The following RPGRIP1 variants were observed in gnomAD, a reference collection of about 807,000 sequenced individuals.
The protein encoded by RPGRIP1 is RPGR interacting protein 1.
A neutral mutation model predicts 157.9 loss-of-function variants in RPGRIP1; 128 were observed. That is an observed-to-expected ratio of 0.81 (90% CI 0.70 to 0.94). The LOEUF (loss-of-function observed/expected upper bound fraction) is 0.94, where lower values mean the gene tolerates loss of function less well. RPGRIP1 is among the 40% of genes least tolerant of loss of function. RPGRIP1 has a pLI of 0.00. For synonymous variants in RPGRIP1, 554 were observed against 571.6 expected (o/e 0.97, Z 0.44); for missense variants, 1,486 against 1,545.8 (o/e 0.96, Z 0.65).
intron 6 of RPGRIP1, 37 bp from the exon 7 acceptor site, chr14:21,307,694 A>G (rs760431522): frequency 7.8e-7 from 1 of 1,276,880 alleles, no homozygotes; most frequent in Non-Finnish European, 1.1e-6. Context: ...AATTCTATCC[A>G]TGTTCAGACA....
chr14:21,350,063 C>G (rs115432710), intron 24 of RPGRIP1, among the ~76,000 whole-genome samples: 2,033 of 152,072 alleles, frequency 0.013, 47 homozygotes, highest in African/African-American at 0.047. Flanking sequence ...AAATGCAAAC[C>G]AAAACTGTGG....
chr14:21,283,590 T>C (rs1292529194), intron 1 of RPGRIP1, among the ~76,000 whole-genome samples: 14 of 150,776 alleles, frequency 9.3e-5, no homozygotes, highest in Admixed American at 8.0e-4. Context: ...CATGAGCCAC[T>C]GTGCCCAGCC....
chr14:21,339,323 G>A (rs902251467), intron 21 of RPGRIP1, among the ~76,000 whole-genome samples: 2 of 152,032 alleles, frequency 1.3e-5, no homozygotes, highest in African/African-American at 4.8e-5. Flanking sequence ...GCGCGTGCTT[G>A]TAATCCTGGC....
At chr14:21,319,353 G>C (rs1404418683) in intron 11 of RPGRIP1, among the ~76,000 whole-genome samples, 1 of 152,134 alleles carries the variant, frequency 6.6e-6, no homozygotes, top group Non-Finnish European at 1.5e-5. Context: ...CATGAGGCCA[G>C]GAGTTTCAGA....
In RPGRIP1 at chr14:21,288,101, A is replaced by G. The variant is rs1880365985; in HGVS notation, c.85+40A>G. The G allele has an allele frequency of 2.3e-6, 3 of 1,296,018 alleles. No homozygotes were observed. In the Admixed American group the frequency reaches 5.0e-5, roughly 22 times the overall value. The allele number at this position is 1,296,018 out of a possible 1,614,324, so 80.3% of individuals were successfully genotyped here. On this transcript the variant is annotated intron_variant, in intron 2 of 24. Transcript: ENST00000400017. ...TGAGGATGGACACCTTTTAGAATTA[A>G]AAGAACTCTCACTGTGGAACATCTT...
intron 10 of RPGRIP1, among the ~76,000 whole-genome samples, chr14:21,315,186 G>T (rs116878280): frequency 6.6e-6 from 1 of 151,874 alleles, no homozygotes; most frequent in Non-Finnish European, 1.5e-5. Flanking sequence ...AAAAAAACCT[G>T]TAAGTAAAAG....
intron 18 of RPGRIP1, among the ~76,000 whole-genome samples, 158 bp from the exon 19 acceptor site, chr14:21,328,266 G>A (rs201684392): frequency 1.3e-5 from 2 of 152,100 alleles, no homozygotes; most frequent in East Asian, 1.9e-4. Flanking sequence ...CTGATGGAGC[G>A]AAAGCCTGGG....
intron 1 of RPGRIP1, among the ~76,000 whole-genome samples, chr14:21,281,705 AATAAT>A (rs1880135475): frequency 4.3e-4 from 10 of 23,356 alleles, no homozygotes; most frequent in African/African-American, 9.6e-4. Flanking sequence ...AAAAAAAATA[AATAAT>A]AATAATAATA....
intron 1 of RPGRIP1, among the ~76,000 whole-genome samples, chr14:21,287,322 G>A (rs972459411): frequency 6.6e-6 from 1 of 152,150 alleles, no homozygotes; most frequent in African/African-American, 2.4e-5. Context: ...AAAAGTGTTG[G>A]CCAGAGTATG....
intron 6 of RPGRIP1, among the ~76,000 whole-genome samples, chr14:21,306,112 C>CTTTTTTTTTTT (rs539083010): frequency 2.2e-5 from 1 of 44,790 alleles, no homozygotes; most frequent in Non-Finnish European, 3.9e-5. Flanking sequence ...GAATAATAGT[C>CTTTTTTTTTTT]TTTTTTTTTT....
chr14:21,314,893 G>A (rs1650961973), intron 10 of RPGRIP1, among the ~76,000 whole-genome samples: 1 of 151,578 alleles, frequency 6.6e-6, no homozygotes, highest in Non-Finnish European at 1.5e-5. Context: ...CGTGGTGGCA[G>A]GGGCCTGTAA....
At chr14:21,336,114 T>C (rs1884336913) in intron 21 of RPGRIP1, among the ~76,000 whole-genome samples, 1 of 152,246 alleles carries the variant, frequency 6.6e-6, no homozygotes. Context: ...TGGTTTCTTT[T>C]GTAGAGGTTG....
At chr14:21,304,473 A>G (rs1881211535) in intron 6 of RPGRIP1, among the ~76,000 whole-genome samples, 1 of 152,050 alleles carries the variant, frequency 6.6e-6, no homozygotes, top group South Asian at 2.1e-4. Flanking sequence ...AAGTTTATGT[A>G]TAAAAGGATA....
At position 21,325,426 on chromosome 14, in the gene RPGRIP1, C is replaced by T. The variant is rs1193100194; in HGVS notation, c.2367+43C>T. 9 of 1,538,424 alleles carry T rather than the reference C, an allele frequency of 5.9e-6. No homozygotes were observed. In the African/African-American group the frequency reaches 1.1e-4, roughly 19 times the overall value. The stretch of plus-strand genomic sequence containing the variant: ...CCGAGGCATCTCAGAGGAGCCTCAG[C>T]CAAACAGCTCATGAGCACAGTTCAG... On this transcript the variant is annotated intron_variant, in intron 16 of 24. Coordinates refer to ENST00000400017, the MANE Select transcript of RPGRIP1 (RefSeq NM_020366.4).
At chr14:21,280,834 T>A (rs1880099592) in intron 1 of RPGRIP1, among the ~76,000 whole-genome samples, 1 of 152,182 alleles carries the variant, frequency 6.6e-6, no homozygotes, top group Non-Finnish European at 1.5e-5. Flanking sequence ...CCTAATGCTC[T>A]TCCATAGCTC....
rs147550768 is a variant in RPGRIP1 at position 21,289,790 on chromosome 14, C to T, written c.85+1729C>T. On this transcript the variant is annotated intron_variant, in intron 2 of 24. Transcript: ENST00000400017. ...GGCCGAGGCAGGTGGATCACCTGGT[C>T]GGGAGTTAAAAATTTGCAGAAATTA... Among the ~76,000 whole-genome samples, 67 of 151,982 alleles carry T rather than the reference C, an allele frequency of 4.4e-4. 1 individual carries two copies. The South Asian group carries it at 8.7e-3, about 20-fold the overall frequency.
At chr14:21,330,550 C>T (rs1594231160) in intron 20 of RPGRIP1, among the ~76,000 whole-genome samples, 163 bp downstream of exon 20, 1 of 151,992 alleles carries the variant, frequency 6.6e-6, no homozygotes, top group African/African-American at 2.4e-5. Context: ...CCTGTAATCC[C>T]AGCTACGTGG....
At chr14:21,302,813 T>G (rs760397708) in intron 5 of RPGRIP1, 6 of 309,014 alleles carry the variant, frequency 1.9e-5, no homozygotes, top group Non-Finnish European at 3.6e-5. Context: ...TTGAAGGTAT[T>G]CCCTCTATTT....
intron 2 of RPGRIP1, among the ~76,000 whole-genome samples, chr14:21,290,089 T>TCAAGTCATCTGTCTGCCTC (rs1880461500): frequency 6.6e-6 from 1 of 152,078 alleles, no homozygotes; most frequent in Non-Finnish European, 1.5e-5. Flanking sequence ...ACTCCTGGCT[T>TCAAGTCATCTGTCTGCCTC]CAAGTCATCT....
Sources: gnomAD v4.1 joint callset for allele counts (sites outside exome capture counted in the v4.1 genomes callset) on GRCh38, gnomAD v4.1.1 for gene constraint, MANE v1.5 for transcripts, NCBI Gene and HGNC (gene_info 2026-07-23, HGNC 2026-07-21) for gene names.